DNMT1: variants seen among roughly 807,000 people sequenced by gnomAD.
DNMT1 encodes DNA methyltransferase 1.
DNMT1 carries 24 observed loss-of-function variants against 205.3 expected under a neutral mutation model. The ratio of observed to expected loss-of-function variants is 0.12; its 90% CI spans 0.08 to 0.16. The LOEUF (loss-of-function observed/expected upper bound fraction) is 0.16, where lower values mean the gene tolerates loss of function less well. DNMT1 is among the 10% of genes least tolerant of loss of function. The pLI is 1.00. For synonymous variants in DNMT1, 817 were observed against 839.8 expected (o/e 0.97, Z 0.47); for missense variants, 1,293 against 2,177.7 (o/e 0.59, Z 8.09).
rs201805582 is a variant in DNMT1, at chr19:10,135,867, C to A, written c.4657-15G>T. 2 of 1,543,446 alleles carry A rather than the reference C, an allele frequency of 1.3e-6. No homozygotes were observed. Among genetic ancestry groups the A allele is most frequent in the Non-Finnish European group, 1.7e-6 (2 of 1,147,890 alleles). On this transcript the variant is annotated splice_polypyrimidine_tract_variant and intron_variant, in intron 38 of 40. Coordinates refer to ENST00000359526, the MANE Select transcript of DNMT1 (RefSeq NM_001130823.3). ...AGCACGCGGCCCTGGGGGAAAGAGG[C>A]GCGGTGGGCGAGGGCAGTAGCACCC...
rs1039871995 is a variant in DNMT1, at chr19:10,133,565, T to C, written c.*102A>G. The C allele has an allele frequency of 3.5e-5, 49 of 1,381,792 alleles. No individual in the cohort carries two copies. Among genetic ancestry groups the C allele is most frequent in the Non-Finnish European group, 4.7e-5 (47 of 993,904 alleles). 85.6% of individuals were successfully genotyped at this position (1,381,792 alleles called of 1,614,324 possible). A position where few individuals can be genotyped will look rare whatever the true frequency, so the allele number is the denominator to read the frequency against. ...ATGTCAGCCAAGGCCACAAACACCATGTACCACACATGTGAACGGACAGAT... is the reference window on the plus strand; with the variant it reads ...ATGTCAGCCAAGGCCACAAACACCACGTACCACACATGTGAACGGACAGAT... On this transcript the variant is annotated 3_prime_UTR_variant, in exon 41 of 41. Coordinates refer to ENST00000359526, the MANE Select transcript of DNMT1 (RefSeq NM_001130823.3). The surrounding 1 kb of genome is among the most constrained non-coding windows in gnomAD (Gnocchi z 4.1).
rs751346556 is a variant in DNMT1, at chr19:10,140,815, G to A, written c.3489C>T (p.Gly1163=). The change falls in exon 32 of 41, where the codon GGC becomes GGT. Residue 1163 remains glycine, a synonymous_variant. Coordinates refer to ENST00000359526, the MANE Select transcript of DNMT1 (RefSeq NM_001130823.3). This position sits in a 1 kb window ranked among gnomAD's most constrained non-coding sequence, Gnocchi z 8.4. ...GGAATCCCTCCGACAACCCCCCGCA[G>A]CCAGAAAACACATCCAGGGTCCGCA... ...PKLRTLDVFS[G]CGGLSEGFHQ... 3.1e-6 allele frequency: 5 copies of A among 1,614,042 alleles called. No homozygotes were observed. Among genetic ancestry groups the A allele is most frequent in the Non-Finnish European group, 4.2e-6 (5 of 1,180,036 alleles).
chr19:10,194,456 C>G (rs1193236292), intron 1 of DNMT1: 1 of 186,004 alleles, frequency 5.4e-6, no homozygotes, highest in South Asian at 1.5e-4. Flanking sequence ...CCGCGGGCTG[C>G]CCACTTCCTG....
At chr19:10,150,037 C>A in intron 24 of DNMT1, 69 bp from the exon 25 acceptor site, 1 of 1,335,352 alleles carries the variant, frequency 7.5e-7, no homozygotes, top group Non-Finnish European at 1.1e-6. Flanking sequence ...CTTGCATGGT[C>A]CTCTGTTACT....
intron 1 of DNMT1, among the ~76,000 whole-genome samples, chr19:10,182,417 GTATATATA>G (rs1162988530): frequency 2.3e-4 from 12 of 52,950 alleles, no homozygotes; most frequent in Non-Finnish European, 4.2e-4. Context: ...ATATATATGT[GTATATATA>G]TGTGTGTATA....
chr19:10,143,861 G>A lies in DNMT1; in HGVS notation c.3021C>T (p.Tyr1007=), dbSNP rs1599352087. ...AGATCTCTTTGATCCGGCCAATTCG[G>A]TAGGGCTCAGGGGCATCCAGGTTGC... is the stretch of plus-strand genomic sequence containing the variant. ...KGSNLDAPEP[Y]RIGRIKEIFC... Residue 1007 remains tyrosine (Y), a synonymous_variant, in exon 29 of 41, where the codon TAC becomes TAT. Coordinates refer to ENST00000359526, the MANE Select transcript of DNMT1 (RefSeq NM_001130823.3). The A allele has an allele frequency of 6.2e-7, 1 of 1,614,192 alleles. No homozygotes were observed. Among genetic ancestry groups the A allele is most frequent in the Non-Finnish European group, 8.5e-7 (1 of 1,180,042 alleles).
Position 10,137,511 on chromosome 19 carries a change from A to C in DNMT1, c.4294-231T>G. The C allele has an allele frequency of 1.6e-6, 1 of 643,192 alleles. No homozygotes were observed. The allele number at this position is 643,192 out of a possible 1,614,324, so 39.8% of individuals were successfully genotyped here. A position where few individuals can be genotyped will look rare whatever the true frequency, so the allele number is the denominator to read the frequency against. ...CTAAGCTGAGCCTTTAGGGTGGGGG[A>C]AGGGGAGTGGTGCCAGGGGATGGTG... On this transcript the variant is annotated intron_variant, in intron 36 of 40. Coordinates refer to ENST00000359526, the MANE Select transcript of DNMT1 (RefSeq NM_001130823.3). The surrounding 1 kb of genome is among the most constrained non-coding windows in gnomAD (Gnocchi z 6.4).
intron 1 of DNMT1, among the ~76,000 whole-genome samples, chr19:10,192,710 C>G (rs1009635275): frequency 1.3e-5 from 2 of 152,092 alleles, no homozygotes; most frequent in Non-Finnish European, 2.9e-5. Context: ...CATTTTAAAT[C>G]AAGTTTTATT....
chr19:10,134,160 C>T (rs2089430667), intron 40 of DNMT1, 57 bp downstream of exon 40: 10 of 1,591,528 alleles, frequency 6.3e-6, no homozygotes, highest in Admixed American at 5.0e-5. Context: ...ACTGCCCCCA[C>T]ATGTACCCCC....
intron 13 of DNMT1, among the ~76,000 whole-genome samples, chr19:10,161,572 A>T (rs2038571480): frequency 6.6e-6 from 1 of 152,154 alleles, no homozygotes; most frequent in Admixed American, 6.6e-5. Flanking sequence ...GCTTCAGCCC[A>T]GGAGTTTGCG....
chr19:10,141,362 T>C (rs1021097176), intron 30 of DNMT1, 173 bp from the exon 31 acceptor site: 24 of 660,790 alleles, frequency 3.6e-5, no homozygotes, highest in Non-Finnish European at 5.1e-5. Flanking sequence ...CTTAAAACAA[T>C]CCATTTTATT....
chr19:10,135,724 C>G lies in DNMT1; in HGVS notation c.4773+12G>C. 1 of 1,605,232 alleles carries G rather than the reference C, an allele frequency of 6.2e-7. No homozygotes were observed. Among genetic ancestry groups the G allele is most frequent in the Non-Finnish European group, 8.5e-7 (1 of 1,177,972 alleles). ...CTTCCTGTCCAGACCCAGCGGGCGCCGCCCCACTGACCTGCCGGTGCTTGT... is the reference window on the plus strand; with the variant it reads ...CTTCCTGTCCAGACCCAGCGGGCGCGGCCCCACTGACCTGCCGGTGCTTGT... On this transcript the variant is annotated intron_variant, in intron 39 of 40. Coordinates refer to ENST00000359526, the MANE Select transcript of DNMT1 (RefSeq NM_001130823.3).
rs776146696 is a variant in DNMT1 at position 10,154,516 on chromosome 19, C to T, written c.1833-37G>A. ...GTTCCAGCATCTCAGAGGACTGGGA[C>T]AGAGGATGTGGGCCATGCTCTACCC... is the stretch of plus-strand genomic sequence containing the variant. On this transcript the variant is annotated intron_variant, in intron 21 of 40. Coordinates refer to ENST00000359526, the MANE Select transcript of DNMT1 (RefSeq NM_001130823.3). The surrounding 1 kb of genome is among the most constrained non-coding windows in gnomAD (Gnocchi z 6.3). 1 of 1,614,106 alleles carries T rather than the reference C, an allele frequency of 6.2e-7. No homozygotes were observed. The highest frequency in any genetic ancestry group is 8.5e-7 in the Non-Finnish European group (1 of 1,180,018).
At chr19:10,171,868 G>A (rs1599385690) in intron 9 of DNMT1, among the ~76,000 whole-genome samples, 1 of 150,570 alleles carries the variant, frequency 6.6e-6, no homozygotes, top group East Asian at 2.0e-4. Context: ...TTAGCCAGGT[G>A]TGGTGGCAGG....
At chr19:10,166,091 C>T (rs1213056057) in intron 11 of DNMT1, among the ~76,000 whole-genome samples, 1 of 152,138 alleles carries the variant, frequency 6.6e-6, no homozygotes, top group Non-Finnish European at 1.5e-5. Flanking sequence ...GCAGGAGGGC[C>T]TGCAGGCAAC....
In DNMT1 at chr19:10,142,256, T is replaced by C. The variant is rs192339783; in HGVS notation, c.3117-36A>G. 5 of 1,612,924 alleles carry C rather than the reference T, an allele frequency of 3.1e-6. No individual in the cohort carries two copies. In the Admixed American group the frequency reaches 5.0e-5, roughly 16 times the overall value. ...GAGAGGCCTCGTTAGGAGCTCTCCT[T>C]TGTGGTGAGCTTATGCTGAATTAAA... On this transcript the variant is annotated intron_variant, in intron 29 of 40. Coordinates refer to ENST00000359526, the MANE Select transcript of DNMT1 (RefSeq NM_001130823.3).
At chr19:10,194,641 C>T (rs1443811892) in intron 1 of DNMT1, 179 bp downstream of exon 1, 6 of 811,210 alleles carry the variant, frequency 7.4e-6, no homozygotes, top group Non-Finnish European at 1.1e-5. Flanking sequence ...CCAAACAGCC[C>T]GGGCACGCGC....
At chr19:10,139,497 G>A (rs1254140029) in intron 34 of DNMT1, among the ~76,000 whole-genome samples, 179 bp downstream of exon 34, 1 of 152,236 alleles carries the variant, frequency 6.6e-6, no homozygotes. Context: ...GACTTGCTGG[G>A]GGCCGGCTGA....
At chr19:10,179,596 T>C (rs910859101) in intron 5 of DNMT1, among the ~76,000 whole-genome samples, 2 of 152,026 alleles carry the variant, frequency 1.3e-5, no homozygotes, top group Non-Finnish European at 2.9e-5. Flanking sequence ...TAATTACTAG[T>C]GAGGATGCGT....
Sources: allele counts gnomAD v4.1 joint callset (sites outside exome capture counted in the v4.1 genomes callset), GRCh38; gene constraint gnomAD v4.1.1; non-coding constraint Gnocchi (gnomAD v3.1); transcripts MANE v1.5; gene names NCBI Gene and HGNC (gene_info 2026-07-23, HGNC 2026-07-21).